PLCG2: variants seen among roughly 807,000 people sequenced by gnomAD.
PLCG2 encodes 1-phosphatidylinositol 4,5-bisphosphate phosphodiesterase gamma-2.
Under a neutral mutation model 175.6 loss-of-function variants are expected in PLCG2, and 69 were observed. That is an observed-to-expected ratio of 0.39 (90% CI 0.32 to 0.48). PLCG2 has a LOEUF of 0.48. PLCG2 is among the 20% of genes least tolerant of loss of function. PLCG2 has a pLI of 0.91. For synonymous variants in PLCG2, 827 were observed against 624.0 expected, an observed-to-expected ratio of 1.33 and a Z score of -4.85; for missense variants, 1,798 against 1,650.9, an observed-to-expected ratio of 1.09 and a Z score of -1.54.
At position 81,822,755 on chromosome 16, in the gene PLCG2, C is replaced by T. The variant is rs867982070; in HGVS notation, c.194-31689C>T. On this transcript the variant is annotated intron_variant, in intron 2 of 32. Transcript: ENST00000564138. Reference sequence around the variant, plus strand: ...CAGCCTGGGAGACAAGAGCGAGACTCCATCTCAAAAAAAAAAAAAAAAAAA... The same window carrying T: ...CAGCCTGGGAGACAAGAGCGAGACTTCATCTCAAAAAAAAAAAAAAAAAAA... Among the ~76,000 whole-genome samples, 104 of 10,028 alleles carry T rather than the reference C, an allele frequency of 0.01. No homozygotes were observed. In the Middle Eastern group the frequency reaches 0.12, roughly 11 times the overall value. 6.6% of individuals were successfully genotyped at this position (10,028 alleles called of 152,430 possible).
At position 81,803,675 on chromosome 16, in the gene PLCG2, TCC is replaced by T. The variant is rs1470735562; in HGVS notation, c.193+17494_193+17495del. Among the ~76,000 whole-genome samples the T allele has an allele frequency of 3.7e-4, 43 of 116,872 alleles. 1 individual carries two copies. The highest frequency in any genetic ancestry group is 5.2e-4 in the East Asian group (1 of 1,932). The allele number at this position is 116,872 out of a possible 152,430, so 76.7% of individuals were successfully genotyped here. On this transcript the variant is annotated intron_variant, in intron 2 of 32. Transcript: ENST00000564138. ...TCCCTCCCTCCCTCCCTTCCTTCCT[TCC>T]TTCCTTTTCTTTCTTTCTTTACTCT...
upstream of PLCG2, among the ~76,000 whole-genome samples, chr16:81,776,109 C>CTTTCTTTCTTTCTTTCTTTT (rs1910399282): frequency 2.2e-5 from 1 of 46,274 alleles, no homozygotes; most frequent in Non-Finnish European, 5.5e-5. Flanking sequence ...TTTTTTCCTT[C>CTTTCTTTCTTTCTTTCTTTT]TTTCTTTTTT....
At chr16:81,834,191 C>G (rs748581241) in intron 2 of PLCG2, among the ~76,000 whole-genome samples, 11 of 152,142 alleles carry the variant, frequency 7.2e-5, no homozygotes, top group Non-Finnish European at 1.3e-4. Context: ...GCTTTCTTCC[C>G]AAGATTGGTG....
In PLCG2 at chr16:81,794,480, A is replaced by G; in HGVS notation, c.193+8298A>G. On this transcript the variant is annotated intron_variant, in intron 2 of 32. Coordinates refer to ENST00000564138, the MANE Select transcript of PLCG2 (RefSeq NM_002661.5). ...CGCAACCAATGCCTGAAGTGTCCAT[A>G]AATGTATTTGCCTTTCAGTTACTGG... Among the ~76,000 whole-genome samples, 2 of 152,156 alleles carry G rather than the reference A, an allele frequency of 1.3e-5. 1 individual carries two copies.
intron 10 of PLCG2, 136 bp downstream of exon 10, chr16:81,889,409 G>A: frequency 3.4e-6 from 2 of 590,888 alleles, no homozygotes; most frequent in Non-Finnish European, 6.2e-6. Context: ...GGTTAGCTGG[G>A]ATTGTTTCTT....
At chr16:81,752,229 C>G (rs538473458) in intron 1 of PLCG2, among the ~76,000 whole-genome samples, 92 of 152,106 alleles carry the variant, frequency 6.0e-4, no homozygotes, top group African/African-American at 2.0e-3. Flanking sequence ...CCTGGAGGCC[C>G]TCACAATTCT....
Position 81,870,941 on chromosome 16 carries a change from A to G in PLCG2, c.648+6A>G. The stretch of plus-strand genomic sequence containing the variant: ...TGTTTGAACAGCAAAAATCGGTAAG[A>G]TGATTCTTGAGCAAGTGATCAAGTG... On this transcript the variant is annotated splice_donor_region_variant and intron_variant, in intron 7 of 32. Transcript: ENST00000564138. The G allele has an allele frequency of 1.3e-6, 2 of 1,491,900 alleles. No homozygotes were observed. The highest frequency in any genetic ancestry group is 1.9e-6 in the Non-Finnish European group (2 of 1,076,168). The allele number at this position is 1,491,900 out of a possible 1,614,324, so 92.4% of individuals were successfully genotyped here. A position where few individuals can be genotyped will look rare whatever the true frequency, so the allele number is the denominator to read the frequency against.
intron 6 of PLCG2, among the ~76,000 whole-genome samples, chr16:81,869,767 C>A (rs1001301874): frequency 1.3e-5 from 2 of 152,104 alleles, no homozygotes; most frequent in South Asian, 2.1e-4. Context: ...TCCTTCCATA[C>A]ATCATTAAAT....
intron 2 of PLCG2, among the ~76,000 whole-genome samples, chr16:81,807,379 T>C (rs1347767879): frequency 1.3e-5 from 2 of 152,200 alleles, no homozygotes; most frequent in Non-Finnish European, 2.9e-5. Context: ...GGCTCTGCCT[T>C]CTGGATCTGA....
intron 7 of PLCG2, among the ~76,000 whole-genome samples, chr16:81,880,378 C>T (rs956570543): frequency 6.6e-6 from 1 of 152,158 alleles, no homozygotes; most frequent in Admixed American, 6.5e-5. Flanking sequence ...CGCGCTTTTC[C>T]TTCTAGGACT....
intron 2 of PLCG2, among the ~76,000 whole-genome samples, chr16:81,853,579 C>T (rs558836633): frequency 3.8e-4 from 58 of 152,250 alleles, no homozygotes; most frequent in African/African-American, 1.1e-3. Context: ...CGTAGTTCAC[C>T]GTAGGGTTTG....
At chr16:81,785,834 C>T in intron 1 of PLCG2, 109 bp from the exon 2 acceptor site, 1 of 671,370 alleles carries the variant, frequency 1.5e-6, no homozygotes, top group Non-Finnish European at 2.6e-6. Flanking sequence ...TCTCCTAAAA[C>T]TCATCCTGAT....
Position 81,883,272 on chromosome 16 carries a change from C to T in PLCG2, c.696C>T (p.Asn232=). The T allele has an allele frequency of 1.2e-6, 2 of 1,614,056 alleles. No homozygotes were observed. Among genetic ancestry groups the T allele is most frequent in the Middle Eastern group, 1.6e-4 (1 of 6,062 alleles). Residue 232 remains asparagine (N), a synonymous_variant, in exon 9 of 33, where the codon AAC becomes AAT. Coordinates refer to ENST00000564138, the MANE Select transcript of PLCG2 (RefSeq NM_002661.5). ...KKDSSVFILG[N]TDRPDASAVY... ...CACCCCCTTTCCCCGAGGATAGGAACACTGACAGGCCGGATGCCTCTGCTG... is the reference window on the plus strand; with the variant it reads ...CACCCCCTTTCCCCGAGGATAGGAATACTGACAGGCCGGATGCCTCTGCTG...
intron 2 of PLCG2, among the ~76,000 whole-genome samples, chr16:81,815,845 G>T (rs941696256): frequency 1.3e-5 from 2 of 152,156 alleles, no homozygotes; most frequent in Admixed American, 6.5e-5. Flanking sequence ...CGGATCACTT[G>T]AGGTCAGGAG....
chr16:81,957,302 A>G (rs1276238838), intron 32 of PLCG2, among the ~76,000 whole-genome samples: 1 of 120,170 alleles, frequency 8.3e-6, no homozygotes, highest in African/African-American at 3.2e-5. Flanking sequence ...CTGTCAAACA[A>G]ACAAACAAAC....
chr16:81,814,041 T>A (rs1185700269), intron 2 of PLCG2, among the ~76,000 whole-genome samples: 1 of 152,118 alleles, frequency 6.6e-6, no homozygotes, highest in Admixed American at 6.6e-5. Context: ...TGTTGAGTGA[T>A]CTAGAAGGCA....
rs778079439 is a variant in PLCG2, at chr16:81,893,742, G to A, written c.1020G>A (p.Ser340=). ...YLTGDQLRSE[S]SPEAYIRCLR... is the part of the protein sequence containing the mutation. ...CAGGTGACCAGCTGCGGAGCGAGTC[G>A]TCCCCAGAAGCTTACATCCGCTGCC... Residue 340 remains serine, a synonymous_variant, in exon 12 of 33, where the codon TCG becomes TCA. Transcript: ENST00000564138. 38 of 1,612,194 alleles carry A rather than the reference G, an allele frequency of 2.4e-5. No individual in the cohort carries two copies. The highest frequency in any genetic ancestry group is 1.0e-4 in the Admixed American group (6 of 59,952).
intron 9 of PLCG2, among the ~76,000 whole-genome samples, chr16:81,884,176 C>A (rs987963254): frequency 6.6e-6 from 1 of 152,180 alleles, no homozygotes; most frequent in Non-Finnish European, 1.5e-5. Flanking sequence ...CATGGTGAAA[C>A]CCCATCTCTA....
Position 81,893,709 on chromosome 16 carries a change from G to A in PLCG2, c.987G>A (p.Thr329=), listed in dbSNP as rs200506549. The change falls in exon 12 of 33, where the codon ACG becomes ACA. Residue 329 remains threonine (T), a splice_region_variant and synonymous_variant. Transcript: ENST00000564138. The stretch of plus-strand genomic sequence containing the variant: ...CGGCCACCTGCCTTCTCTCCTGCAG[G>A]TACCTTACAGGTGACCAGCTGCGGA... The part of the protein sequence containing the change: ...SHYWISSSHN[T]YLTGDQLRSE... 2,050 of 1,607,178 alleles carry A rather than the reference G, an allele frequency of 1.3e-3. 5 individuals are homozygous for A. Among genetic ancestry groups the A allele is most frequent in the Middle Eastern group, 7.6e-3 (46 of 6,050 alleles).
Sources: gnomAD v4.1 joint callset for allele counts (sites outside exome capture counted in the v4.1 genomes callset) on GRCh38, gnomAD v4.1.1 for gene constraint, MANE v1.5 for transcripts, NCBI Gene and HGNC (gene_info 2026-07-23, HGNC 2026-07-21) for gene names.